The following FBXL13 variants were observed in gnomAD, a reference collection of about 807,000 sequenced individuals.
FBXL13 encodes F-box and leucine-rich repeat protein 13.
FBXL13 carries 67 observed loss-of-function variants against 83.6 expected under a neutral mutation model. The ratio of observed to expected loss-of-function variants is 0.80; its 90% confidence interval spans 0.66 to 0.98. FBXL13 has a LOEUF of 0.98. FBXL13 is among the 50% of genes least tolerant of loss of function. FBXL13 has a pLI of 0.00. For synonymous variants in FBXL13, 272 were observed against 299.5 expected (o/e 0.91, Z 0.95); for missense variants, 822 against 866.5 (o/e 0.95, Z 0.64).
chr7:102,843,163 G>A (rs1334429820), intron 17 of FBXL13, among the ~76,000 whole-genome samples: 2 of 152,192 alleles, frequency 1.3e-5, no homozygotes, highest in East Asian at 1.9e-4. Context: ...CAAGTGGTAG[G>A]CCGGGCATGG....
At chr7:103,013,225 A>T (rs1791847717) in intron 6 of FBXL13, among the ~76,000 whole-genome samples, 1 of 152,220 alleles carries the variant, frequency 6.6e-6, no homozygotes, top group South Asian at 2.1e-4. Context: ...TGAACAGATC[A>T]TCGAGGCAGA....
rs187435472 is a variant in FBXL13, at chr7:102,861,914, A to G, written c.1636-7054T>C. On this transcript the variant is annotated intron_variant, in intron 16 of 19. Transcript: ENST00000313221. ...GGAGAATCGCTTTAACCCAGGAGGC[A>G]GAAGCTGTAGTGAGCCAAGATCGTG... 1.1e-3 allele frequency among the ~76,000 whole-genome samples: 160 copies of G among 150,512 alleles called. 1 individual carries two copies. Among genetic ancestry groups the G allele is most frequent in the African/African-American group, 3.6e-3 (147 of 40,784 alleles).
chr7:102,832,121 A>T (rs1377911865), intron 18 of FBXL13, among the ~76,000 whole-genome samples: 1 of 152,242 alleles, frequency 6.6e-6, no homozygotes, highest in Non-Finnish European at 1.5e-5. Context: ...TGGTGACAGG[A>T]CAATGGATAT....
At chr7:103,027,468 T>C in exon 5 of FBXL13, 2 of 1,611,192 alleles carry the variant, frequency 1.2e-6, no homozygotes, top group South Asian at 2.2e-5. Flanking sequence ...TTCTTTCTTT[T>C]TACTCTTATG....
chr7:103,071,507 A>G (rs1798951773), intron 1 of FBXL13, among the ~76,000 whole-genome samples: 1 of 150,996 alleles, frequency 6.6e-6, no homozygotes, highest in Admixed American at 6.6e-5. Context: ...TCTCAGCCTC[A>G]TGAGTAGCAG....
At chr7:102,949,511 C>T (rs1293151726) in intron 8 of FBXL13, among the ~76,000 whole-genome samples, 1 of 151,934 alleles carries the variant, frequency 6.6e-6, no homozygotes, top group Admixed American at 6.6e-5. Flanking sequence ...TTGACACACT[C>T]AAGTTTTCTG....
At position 102,934,523 on chromosome 7, in the gene FBXL13, C is replaced by G. The variant is rs149650054; in HGVS notation, c.725-2590G>C. ...ACAAGAACAAAAAAATAAAAAACTG[C>G]GGCAGATAAAATCTGAACAGTTGTG... On this transcript the variant is annotated intron_variant, in intron 8 of 19. Coordinates refer to ENST00000313221, the Ensembl canonical transcript of FBXL13. The G allele has an allele frequency of 6.2e-7, 1 of 1,607,944 alleles. No individual in the cohort carries two copies. The highest frequency in any genetic ancestry group is 8.5e-7 in the Non-Finnish European group (1 of 1,178,326).
At chr7:102,920,733 G>A (rs544637446) in intron 10 of FBXL13, among the ~76,000 whole-genome samples, 11 of 152,118 alleles carry the variant, frequency 7.2e-5, no homozygotes, top group Non-Finnish European at 1.3e-4. Context: ...ATAGAAGTTA[G>A]CTACATGCTA....
intron 16 of FBXL13, among the ~76,000 whole-genome samples, chr7:102,860,998 CAT>C (rs59866368): frequency 0.19 from 28,817 of 150,988 alleles, 2,986 homozygotes; most frequent in East Asian, 0.43. Context: ...TATACACACA[CAT>C]ATATATATAC....
At chr7:102,908,144 C>T (rs1021613001) in intron 11 of FBXL13, among the ~76,000 whole-genome samples, 2 of 151,976 alleles carry the variant, frequency 1.3e-5, no homozygotes, top group African/African-American at 4.8e-5. Flanking sequence ...TGCATATTTT[C>T]AAACAGTCTT....
At chr7:102,948,725 T>C (rs904365199) in intron 8 of FBXL13, among the ~76,000 whole-genome samples, 4 of 150,748 alleles carry the variant, frequency 2.7e-5, no homozygotes, top group African/African-American at 9.8e-5. Context: ...CCCAGCCTTT[T>C]TTTTTTGACA....
chr7:102,903,313 G>T (rs1005299216), intron 11 of FBXL13, among the ~76,000 whole-genome samples: 1 of 151,988 alleles, frequency 6.6e-6, no homozygotes, highest in African/African-American at 2.4e-5. Flanking sequence ...TAGTTTTCTT[G>T]TGTAGACCTT....
rs1248253698 is a variant in FBXL13 at position 102,941,171 on chromosome 7, T to A, written c.725-9238A>T. Among the ~76,000 whole-genome samples, 3 of 152,292 alleles carry A rather than the reference T, an allele frequency of 2.0e-5. No individual in the cohort carries two copies. In the South Asian group the frequency reaches 6.2e-4, roughly 32 times the overall value. On this transcript the variant is annotated intron_variant, in intron 8 of 19. Transcript: ENST00000313221. ...AGATGATGCTAACTTGGGAGTATGT[T>A]TGAACTGTGAAGTCAAAAGCAATTT...
chr7:102,990,954 G>C (rs1436597919), intron 6 of FBXL13, among the ~76,000 whole-genome samples: 1 of 152,226 alleles, frequency 6.6e-6, no homozygotes, highest in Non-Finnish European at 1.5e-5. Flanking sequence ...GAGTTCAGGA[G>C]AGATTTTAAC....
At chr7:102,977,708 A>T (rs1309809460) in intron 6 of FBXL13, among the ~76,000 whole-genome samples, 1 of 152,202 alleles carries the variant, frequency 6.6e-6, no homozygotes, top group Non-Finnish European at 1.5e-5. Flanking sequence ...CAAATGTCCA[A>T]CAATGATAGA....
intron 17 of FBXL13, among the ~76,000 whole-genome samples, chr7:102,833,593 ATTCTTTTT>A (rs2129447714): frequency 6.7e-6 from 1 of 148,530 alleles, no homozygotes; most frequent in Admixed American, 6.7e-5. Flanking sequence ...CGCCCGGCTA[ATTCTTTTT>A]TTTTTTTTTT....
rs537311477 is a variant in FBXL13, at chr7:103,033,029, CTCTG to C, written c.1-3615_1-3612del. ...TGGGCAACAGAGTGAGACTCTCTCT[CTCTG>C]TCTGTCTGTCTCTGTCTCTCTCTCT... On this transcript the variant is annotated intron_variant, in intron 2 of 19. Coordinates refer to ENST00000313221, the Ensembl canonical transcript of FBXL13. Among the ~76,000 whole-genome samples, 1,118 of 152,190 alleles carry C rather than the reference CTCTG, an allele frequency of 7.3e-3. 11 individuals carry two copies. Among genetic ancestry groups the C allele is most frequent in the African/African-American group, 0.025 (1,026 of 41,504 alleles).
At chr7:102,868,625 T>A (rs1653033156) in intron 16 of FBXL13, among the ~76,000 whole-genome samples, 2 of 152,180 alleles carry the variant, frequency 1.3e-5, no homozygotes, top group South Asian at 4.1e-4. Flanking sequence ...CAGATATCTC[T>A]TTGACATACT....
intron 6 of FBXL13, chr7:102,978,267 A>T (rs1827762456): frequency 6.6e-6 from 1 of 152,194 alleles, no homozygotes; most frequent in Non-Finnish European, 1.5e-5. Context: ...TGCCTAAAGT[A>T]GTTATTGAGA....
Sources: allele counts gnomAD v4.1 joint callset (sites outside exome capture counted in the v4.1 genomes callset), GRCh38; gene constraint gnomAD v4.1.1; transcripts MANE v1.5; gene names NCBI Gene and HGNC (gene_info 2026-07-23, HGNC 2026-07-21).